Variants in DNAI7 observed in about 807,000 individuals in gnomAD.
DNAI7 encodes cancer susceptibility 1.
In DNAI7, 78 loss-of-function variants were observed where a neutral mutation model predicts 86.6. That is an observed-to-expected ratio of 0.90 (90% CI 0.75 to 1.09). The LOEUF is 1.09. Ranked by LOEUF, DNAI7 falls within the 50% of genes least tolerant of loss-of-function variation. The pLI is 0.00. For missense variants in DNAI7, 753 were observed against 810.2 expected (o/e 0.93, Z 0.86); for synonymous variants, 274 against 273.0 (o/e 1.00, Z -0.04).
intron 2 of DNAI7, among the ~76,000 whole-genome samples, chr12:25,162,581 C>G (rs1343968511): frequency 6.6e-6 from 1 of 152,144 alleles, no homozygotes; most frequent in Non-Finnish European, 1.5e-5. Flanking sequence ...ACTCTTGGAT[C>G]TTCTCTTTTT....
chr12:25,188,028 G>A (rs1460164101), intron 2 of DNAI7, among the ~76,000 whole-genome samples: 2 of 152,138 alleles, frequency 1.3e-5, no homozygotes, highest in African/African-American at 4.8e-5. Context: ...CATTGGTGTG[G>A]TCCAAAACCC....
chr12:25,174,947 T>A (rs1201673294), intron 2 of DNAI7, among the ~76,000 whole-genome samples: 2 of 151,458 alleles, frequency 1.3e-5, no homozygotes, highest in Non-Finnish European at 2.9e-5. Flanking sequence ...ACAATGAACT[T>A]TGGGGACTTG....
chr12:25,150,426 A>C (rs954357610), intron 6 of DNAI7, among the ~76,000 whole-genome samples: 14 of 151,996 alleles, frequency 9.2e-5, no homozygotes, highest in African/African-American at 3.4e-4. Context: ...AACACAGTGA[A>C]ACCCCATCTC....
chr12:25,168,988 G>A (rs1174126277), intron 2 of DNAI7, among the ~76,000 whole-genome samples: 2 of 152,052 alleles, frequency 1.3e-5, no homozygotes, highest in Non-Finnish European at 2.9e-5. Context: ...AATCCCGCTT[G>A]AAGCAGCCCT....
intron 6 of DNAI7, among the ~76,000 whole-genome samples, chr12:25,152,560 G>A (rs1945681290): frequency 6.6e-6 from 1 of 152,192 alleles, no homozygotes; most frequent in African/African-American, 2.4e-5. Flanking sequence ...TGTATCTTTT[G>A]TAATATCCTT....
chr12:25,149,860 T>G, intron 6 of DNAI7, 86 bp from the exon 7 acceptor site: 1 of 752,724 alleles, frequency 1.3e-6, no homozygotes, highest in South Asian at 1.9e-5. Flanking sequence ...CCTTTTGAAT[T>G]GAGGAACACA....
rs756732161 is a variant in DNAI7, at chr12:25,161,131, T to TCTC, written c.85_87dup (p.Glu29dup). 1.2e-6 allele frequency: 2 copies of TCTC among 1,613,252 alleles called. No individual in the cohort carries two copies. The highest frequency in any genetic ancestry group is 1.3e-5 in the African/African-American group (1 of 74,908). Reference sequence around the variant, plus strand: ...TTTGTACCTTCCTCTTTCAGTCGTCTCTCCTCCTCCTCTTGTAGCAGCTTC... The same window carrying TCTC: ...TTTGTACCTTCCTCTTTCAGTCGTCTCTCCTCCTCCTCCTCTTGTAGCAGCTTC... On this transcript the variant is annotated inframe_insertion, in exon 3 of 16. Transcript: ENST00000395987.
At chr12:25,171,179 C>G (rs1385742425) in intron 2 of DNAI7, among the ~76,000 whole-genome samples, 1 of 151,878 alleles carries the variant, frequency 6.6e-6, no homozygotes, top group East Asian at 1.9e-4. Context: ...ATAAATGAAA[C>G]AAAAAGCTGG....
Position 25,111,868 on chromosome 12 carries a change from C to T in DNAI7, c.1683G>A (p.Trp561Ter). The T allele has an allele frequency of 3.7e-6, 6 of 1,606,930 alleles. No individual in the cohort carries two copies. The highest frequency in any genetic ancestry group is 1.1e-5 in the South Asian group (1 of 90,258). The change falls in exon 14 of 16, where the codon TGG becomes TGA. Residue 561 changes from tryptophan (W) to a stop codon, truncating the protein, a stop_gained. Coordinates refer to ENST00000395987, the MANE Select transcript of DNAI7 (RefSeq NM_018272.5). LOFTEE classifies it high-confidence loss of function. ...CAATAATGAAAGGAATAGGAGTCAT[C>T]CAGGTTCCTTCCAAAATAGAGATGT... Reference protein sequence around the residue: ...KKHISILEGTWMTPIPFIIAL... With the variant: ...KKHISILEGT
chr12:25,136,314 A>G (rs1180558194), intron 9 of DNAI7, among the ~76,000 whole-genome samples: 1 of 152,150 alleles, frequency 6.6e-6, no homozygotes, highest in Non-Finnish European at 1.5e-5. Context: ...AAGTAATAAT[A>G]ATAACTGCAT....
Position 25,121,857 on chromosome 12 carries a change from C to T in DNAI7, c.1135G>A (p.Val379Met), listed in dbSNP as rs2140466252. The change falls in exon 11 of 16, where the codon GTG becomes ATG. Residue 379 changes from valine (V) to methionine (M), a missense_variant. Transcript: ENST00000395987. ...GTTGTGAACTGGCATAAATCCACCA[C>T]ATTGTCTTCAAAGAAATCTGGCTTT... Reference protein sequence around the residue: ...SEKPDFFEDNVVDLCQFTTLG... With the variant: ...SEKPDFFEDNMVDLCQFTTLG... 1 of 1,595,188 alleles carries T rather than the reference C, an allele frequency of 6.3e-7. No individual in the cohort carries two copies. The highest frequency in any genetic ancestry group is 2.2e-5 in the East Asian group (1 of 44,508).
intron 4 of DNAI7, 103 bp downstream of exon 4, chr12:25,158,369 T>C: frequency 1.2e-6 from 1 of 868,400 alleles, no homozygotes; most frequent in Non-Finnish European, 1.8e-6. Context: ...CATGTAGGCC[T>C]AAATATTACT....
intron 11 of DNAI7, among the ~76,000 whole-genome samples, chr12:25,119,934 T>C (rs1940926968): frequency 6.6e-6 from 1 of 152,052 alleles, no homozygotes; most frequent in Non-Finnish European, 1.5e-5. Context: ...TGGAAAGTTA[T>C]TGAAAAAGCC....
At chr12:25,111,989 TCAGTATCACTC>T (rs1471765985) in intron 13 of DNAI7, 50 bp from the exon 14 acceptor site, 1 of 1,221,138 alleles carries the variant, frequency 8.2e-7, no homozygotes, top group African/African-American at 1.5e-5. Flanking sequence ...AATCATTACT[TCAGTATCACTC>T]CAGGTGCAGC....
intron 2 of DNAI7, chr12:25,185,824 A>AAAGGGGGGTGCTTATTGC: frequency 1.2e-6 from 1 of 869,192 alleles, no homozygotes; most frequent in Non-Finnish European, 1.4e-6. Context: ...GACTATAGCA[A>AAAGGGGGGTGCTTATTGC]TAAGCACCCC....
intron 3 of DNAI7, among the ~76,000 whole-genome samples, 189 bp downstream of exon 3, chr12:25,160,924 T>C (rs999808407): frequency 2.0e-5 from 3 of 152,142 alleles, no homozygotes; most frequent in Non-Finnish European, 4.4e-5. Context: ...CCTAATTCAA[T>C]ATATATCTGA....
intron 1 of DNAI7, among the ~76,000 whole-genome samples, chr12:25,193,156 A>G (rs1434327710): frequency 2.0e-5 from 3 of 151,982 alleles, no homozygotes; most frequent in Admixed American, 6.6e-5. Context: ...AAAGAAAAAA[A>G]AAAAAGAAAA....
chr12:25,156,046 C>G (rs1039335678), intron 4 of DNAI7, among the ~76,000 whole-genome samples: 3 of 151,756 alleles, frequency 2.0e-5, no homozygotes, highest in African/African-American at 7.3e-5. Context: ...AGAGGTTCCA[C>G]TAACCCAAGA....
intron 9 of DNAI7, among the ~76,000 whole-genome samples, chr12:25,132,247 T>C (rs1266248537): frequency 6.6e-6 from 1 of 152,150 alleles, no homozygotes; most frequent in Non-Finnish European, 1.5e-5. Flanking sequence ...AAAAAATCAC[T>C]GATAATATAC....
Sources: gnomAD v4.1 joint callset for allele counts (sites outside exome capture counted in the v4.1 genomes callset) on GRCh38, gnomAD v4.1.1 for gene constraint, MANE v1.5 for transcripts, NCBI Gene and HGNC (gene_info 2026-07-23, HGNC 2026-07-21) for gene names.